The following ATP2B2 variants were observed in gnomAD, a reference collection of about 807,000 sequenced individuals.
The protein encoded by ATP2B2 is ATPase plasma membrane Ca2+ transporting 2.
A neutral mutation model predicts 120.0 loss-of-function variants in ATP2B2; 15 were observed. That is an observed-to-expected ratio of 0.12 (90% confidence interval 0.08 to 0.19). The LOEUF (loss-of-function observed/expected upper bound fraction) is 0.19, where lower values mean the gene tolerates loss of function less well. ATP2B2 is among the 10% of genes least tolerant of loss of function. The pLI, the probability that ATP2B2 is intolerant of heterozygous loss-of-function variation, is 1.00. For synonymous variants in ATP2B2, 694 were observed against 700.3 expected (o/e 0.99, Z 0.14); for missense variants, 1,045 against 1,719.8 (o/e 0.61, Z 6.94).
chr3:10,377,620 C>A (rs938866460), intron 10 of ATP2B2, among the ~76,000 whole-genome samples: 1 of 152,198 alleles, frequency 6.6e-6, no homozygotes, highest in African/African-American at 2.4e-5. Flanking sequence ...TTGGGATGCC[C>A]AGTTTGTTGT....
intron 1 of ATP2B2, among the ~76,000 whole-genome samples, chr3:10,653,228 C>A (rs1427729010): frequency 6.6e-6 from 1 of 152,182 alleles, no homozygotes; most frequent in Non-Finnish European, 1.5e-5. Context: ...GTGTGGCATG[C>A]TCACCAGGCC....
At chr3:10,670,733 T>G (rs1405423237) in intron 1 of ATP2B2, among the ~76,000 whole-genome samples, 1 of 152,222 alleles carries the variant, frequency 6.6e-6, no homozygotes. Context: ...GATATTAGTT[T>G]TTAAATATCT....
chr3:10,361,701 G>T (rs1035695595), intron 12 of ATP2B2, among the ~76,000 whole-genome samples: 2 of 152,178 alleles, frequency 1.3e-5, no homozygotes, highest in African/African-American at 2.4e-5. Flanking sequence ...TCCCTGCCAG[G>T]CAAACTTCCT....
chr3:10,443,091 T>C (rs17032896), intron 2 of ATP2B2, among the ~76,000 whole-genome samples: 7,335 of 152,260 alleles, frequency 0.048, 592 homozygotes, highest in African/African-American at 0.17. Context: ...CTGGTGTAAT[T>C]ACTAACGGTG....
chr3:10,576,233 T>A (rs2068243749), intron 2 of ATP2B2, among the ~76,000 whole-genome samples: 2 of 152,170 alleles, frequency 1.3e-5, no homozygotes, highest in South Asian at 4.1e-4. Context: ...GCCGAGGATG[T>A]CCTGCGCACA....
At chr3:10,331,687 C>T (rs2125329364) in intron 22 of ATP2B2, among the ~76,000 whole-genome samples, 1 of 149,656 alleles carries the variant, frequency 6.7e-6, no homozygotes, top group East Asian at 2.0e-4. Flanking sequence ...TCCATCTCCC[C>T]TCCCTGCCTA....
intron 2 of ATP2B2, among the ~76,000 whole-genome samples, chr3:10,424,580 T>C (rs1333310773): frequency 1.3e-5 from 2 of 152,186 alleles, no homozygotes; most frequent in Non-Finnish European, 2.9e-5. Flanking sequence ...AAATCTTATA[T>C]TTCAAAAGCA....
chr3:10,459,012 G>C (rs1241729638), intron 1 of ATP2B2, among the ~76,000 whole-genome samples: 1 of 152,214 alleles, frequency 6.6e-6, no homozygotes, highest in African/African-American at 2.4e-5. Context: ...TGCTTCTTGG[G>C]TCATGCACAG....
chr3:10,364,783 C>T (rs1350656852), intron 12 of ATP2B2, among the ~76,000 whole-genome samples: 3 of 151,952 alleles, frequency 2.0e-5, no homozygotes, highest in Non-Finnish European at 1.5e-5. Flanking sequence ...GCATGGTAAA[C>T]GGCAGTAACT....
intron 1 of ATP2B2, among the ~76,000 whole-genome samples, chr3:10,450,896 G>C (rs762406325): frequency 9.8e-5 from 15 of 152,314 alleles, no homozygotes; most frequent in Non-Finnish European, 1.9e-4. Flanking sequence ...CCCCAGCTGA[G>C]CTCGGTTGGG....
Position 10,402,118 on chromosome 3 carries a change from C to T in ATP2B2, c.628G>A (p.Val210Ile), listed in dbSNP as rs781505875. The T allele has an allele frequency of 6.2e-7, 1 of 1,614,128 alleles. No individual in the cohort carries two copies. Among genetic ancestry groups the T allele is most frequent in the Admixed American group, 1.7e-5 (1 of 60,026 alleles). Reference protein sequence around the residue: ...VVQIPVAEIVVGDIAQVKYGD... With the variant: ...VVQIPVAEIVIGDIAQVKYGD... Reference sequence around the variant, plus strand: ...TATTTGACCTGGGCTATGTCCCCAACCACGATCTCAGCCACAGGGATCTGG... The same window carrying T: ...TATTTGACCTGGGCTATGTCCCCAATCACGATCTCAGCCACAGGGATCTGG... The change falls in exon 4 of 23, where the codon GTT becomes ATT. Residue 210 changes from valine to isoleucine, a missense_variant. Val to Ile is a conservative substitution (Grantham distance 29). Coordinates refer to ENST00000360273, the MANE Select transcript of ATP2B2 (RefSeq NM_001001331.4). This position sits in a 1 kb window ranked among gnomAD's most constrained non-coding sequence, Gnocchi z 4.9.
intron 1 of ATP2B2, among the ~76,000 whole-genome samples, chr3:10,473,015 C>T (rs1165834938): frequency 6.6e-6 from 1 of 152,158 alleles, no homozygotes; most frequent in African/African-American, 2.4e-5. Context: ...ATTTCAGAGC[C>T]CATTTACATG....
At chr3:10,701,261 T>C (rs984215940) in intron 1 of ATP2B2, among the ~76,000 whole-genome samples, 4 of 152,230 alleles carry the variant, frequency 2.6e-5, no homozygotes, top group Non-Finnish European at 5.9e-5. Context: ...CAGTCTCATA[T>C]ACGAAGCCTC....
chr3:10,406,757 C>G (rs1478675382), intron 3 of ATP2B2, among the ~76,000 whole-genome samples: 2 of 152,230 alleles, frequency 1.3e-5, no homozygotes, highest in East Asian at 3.8e-4. Flanking sequence ...AACTCATACA[C>G]TCATTGCGTG....
chr3:10,338,621 G>C, intron 21 of ATP2B2: 1 of 491,264 alleles, frequency 2.0e-6, no homozygotes, highest in Non-Finnish European at 3.7e-6. Context: ...TTCAGAGTCA[G>C]GGTACATAGT....
intron 2 of ATP2B2, among the ~76,000 whole-genome samples, chr3:10,619,688 T>G (rs1031394475): frequency 6.6e-6 from 1 of 152,202 alleles, no homozygotes. Context: ...TTACTCCTCC[T>G]CTACTAATAG....
chr3:10,345,669 T>C, intron 17 of ATP2B2, 94 bp from the exon 18 acceptor site: 3 of 1,238,722 alleles, frequency 2.4e-6, no homozygotes, highest in South Asian at 1.4e-5. Flanking sequence ...TCCTCAGTCC[T>C]ACACAACTCC....
intron 14 of ATP2B2, among the ~76,000 whole-genome samples, chr3:10,357,258 G>A (rs2060762328): frequency 6.6e-6 from 1 of 152,050 alleles, no homozygotes; most frequent in African/African-American, 2.4e-5. Flanking sequence ...TATCCCAGAG[G>A]GGGTGTGTGT....
chr3:10,335,494 T>C (rs577796019), intron 22 of ATP2B2, among the ~76,000 whole-genome samples: 2 of 152,286 alleles, frequency 1.3e-5, no homozygotes, highest in African/African-American at 4.8e-5. Flanking sequence ...GACTATGACC[T>C]CTGACCTGCA....
Sources: allele counts gnomAD v4.1 joint callset (sites outside exome capture counted in the v4.1 genomes callset), GRCh38; gene constraint gnomAD v4.1.1; non-coding constraint Gnocchi (gnomAD v3.1); transcripts MANE v1.5; gene names NCBI Gene and HGNC (gene_info 2026-07-23, HGNC 2026-07-21).